Variants in CPS1 observed in about 807,000 individuals in gnomAD.
CPS1 encodes carbamoyl-phosphate synthase 1, also known as carbamoyl-phosphate synthase [ammonia], mitochondrial.
Under a neutral mutation model 174.6 loss-of-function variants are expected in CPS1, and 109 were observed. The ratio of observed to expected loss-of-function variants is 0.62; its 90% CI spans 0.53 to 0.73. The LOEUF (loss-of-function observed/expected upper bound fraction) is 0.73, where lower values mean the gene tolerates loss of function less well. CPS1 is among the 30% of genes least tolerant of loss of function. CPS1 has a pLI of 0.00. For synonymous variants in CPS1, 637 were observed against 632.0 expected, an observed-to-expected ratio of 1.01 and a Z score of -0.12; for missense variants, 1,689 against 1,821.9, an observed-to-expected ratio of 0.93 and a Z score of 1.33.
In CPS1 at chr2:210,678,411, A is replaced by C; in HGVS notation, c.*426A>C. The C allele has an allele frequency of 5.1e-6, 1 of 197,134 alleles. No individual in the cohort carries two copies. Among genetic ancestry groups the C allele is most frequent in the Non-Finnish European group, 1.1e-5 (1 of 95,166 alleles). The allele number at this position is 197,134 out of a possible 1,614,324, so 12.2% of individuals were successfully genotyped here. A position where few individuals can be genotyped will look rare whatever the true frequency, so the allele number is the denominator to read the frequency against. ...TTTAACAGGGCAGAATACTCTAAAA[A>C]CTTGATAAAATTAAATATAGATTTA... On this transcript the variant is annotated 3_prime_UTR_variant, in exon 38 of 38. Coordinates refer to ENST00000233072, the MANE Select transcript of CPS1 (RefSeq NM_001875.5).
chr2:210,640,180 A>G (rs1428137677), intron 24 of CPS1, 121 bp downstream of exon 24: 1 of 707,930 alleles, frequency 1.4e-6, no homozygotes, highest in South Asian at 1.9e-5. Context: ...TGTTTTGCAA[A>G]TTAGGAAGCT....
At chr2:210,534,489 A>G (rs1379209395) in intron 1 of CPS1, among the ~76,000 whole-genome samples, 2 of 152,198 alleles carry the variant, frequency 1.3e-5, no homozygotes, top group African/African-American at 2.4e-5. Flanking sequence ...CCACTGTGGC[A>G]GTTATCGGCT....
chr2:210,612,270 A>C lies in CPS1; in HGVS notation c.2545A>C (p.Thr849Pro). The C allele has an allele frequency of 6.2e-7, 1 of 1,612,074 alleles. No individual in the cohort carries two copies. The highest frequency in any genetic ancestry group is 8.5e-7 in the Non-Finnish European group (1 of 1,178,682). Reference sequence around the variant, plus strand: ...AAAAGAGTTGTCTGAACCAAGCAGCACGCGTATCTATGCCATTGCCAAGGT... The same window carrying C: ...AAAAGAGTTGTCTGAACCAAGCAGCCCGCGTATCTATGCCATTGCCAAGGT... ...LRKELSEPSSTRIYAIAKAID... is the reference protein window; with the variant it reads ...LRKELSEPSSPRIYAIAKAID... The change falls in exon 20 of 38, where the codon ACG (threonine) becomes CCG (proline). Residue 849 changes from threonine to proline, a missense_variant. Thr to Pro is a conservative substitution (Grantham distance 38). Transcript: ENST00000233072.
At chr2:210,662,505 A>G (rs1700957794) in intron 32 of CPS1, among the ~76,000 whole-genome samples, 1 of 152,226 alleles carries the variant, frequency 6.6e-6, no homozygotes, top group Non-Finnish European at 1.5e-5. Flanking sequence ...ATAGCGAGAA[A>G]CAAGAACTTA....
chr2:210,519,763 C>G (rs1231713974), intron 1 of CPS1: 1 of 985,052 alleles, frequency 1.0e-6, no homozygotes, highest in Non-Finnish European at 1.2e-6. Flanking sequence ...TTTGCATTTT[C>G]CTGATGAAAA....
At chr2:210,661,720 T>C (rs1396179111) in intron 32 of CPS1, among the ~76,000 whole-genome samples, 2 of 151,996 alleles carry the variant, frequency 1.3e-5, no homozygotes, top group East Asian at 3.9e-4. Context: ...AGTAGAAAAA[T>C]AGAGAAATTT....
chr2:210,580,557 C>G (rs1697888960), intron 5 of CPS1, among the ~76,000 whole-genome samples: 1 of 151,846 alleles, frequency 6.6e-6, no homozygotes, highest in South Asian at 2.1e-4. Context: ...AGATAAATGA[C>G]ACAATTTGAA....
chr2:210,590,421 T>C (rs536756844), intron 8 of CPS1, among the ~76,000 whole-genome samples, 187 bp downstream of exon 8: 17 of 152,026 alleles, frequency 1.1e-4, no homozygotes, highest in South Asian at 6.2e-4. Flanking sequence ...TCAGAGAAAA[T>C]AGGGTTTTTC....
chr2:210,628,100 TG>T (rs1191629345), intron 21 of CPS1, among the ~76,000 whole-genome samples: 1 of 152,190 alleles, frequency 6.6e-6, no homozygotes, highest in East Asian at 1.9e-4. Context: ...ACTATAATGA[TG>T]ATAATGTAAT....
At chr2:210,607,897 A>G (rs539738375) in intron 18 of CPS1, among the ~76,000 whole-genome samples, 2 of 151,882 alleles carry the variant, frequency 1.3e-5, no homozygotes, top group Non-Finnish European at 2.9e-5. Flanking sequence ...GCAAGGACCC[A>G]AACTTGAAAT....
At chr2:210,623,971 T>C (rs182563662) in intron 21 of CPS1, among the ~76,000 whole-genome samples, 7 of 152,212 alleles carry the variant, frequency 4.6e-5, no homozygotes, top group Admixed American at 1.3e-4. Context: ...ATGTATATTT[T>C]CTGGTAGAAA....
chr2:210,658,248 T>G (rs917661947), intron 30 of CPS1: 1 of 329,610 alleles, frequency 3.0e-6, no homozygotes, highest in South Asian at 2.6e-5. Flanking sequence ...TACATTGATA[T>G]AGAGGTTGGA....
At chr2:210,521,500 C>A (rs1335668381) in intron 1 of CPS1, among the ~76,000 whole-genome samples, 2 of 151,852 alleles carry the variant, frequency 1.3e-5, no homozygotes, top group Admixed American at 1.3e-4. Context: ...CTGATTTTCA[C>A]ATAGTTTTCT....
At chr2:210,494,261 A>G (rs1032916713) in intron 1 of CPS1, among the ~76,000 whole-genome samples, 7 of 152,366 alleles carry the variant, frequency 4.6e-5, no homozygotes, top group Non-Finnish European at 7.3e-5. Flanking sequence ...TGGTTTTGAC[A>G]TCTTCAAAAA....
intron 35 of CPS1, among the ~76,000 whole-genome samples, chr2:210,675,339 A>C (rs1416122774): frequency 6.6e-6 from 1 of 152,202 alleles, no homozygotes; most frequent in Admixed American, 6.5e-5. Context: ...AGCCTGGTTG[A>C]GTAAAACAAA....
chr2:210,522,524 C>G (rs936101809), intron 1 of CPS1, among the ~76,000 whole-genome samples: 1 of 151,866 alleles, frequency 6.6e-6, no homozygotes, highest in Non-Finnish European at 1.5e-5. Flanking sequence ...GAGTGAGATA[C>G]TCTGGAATCA....
chr2:210,664,796 G>A (rs897622546), intron 33 of CPS1, among the ~76,000 whole-genome samples: 1 of 152,066 alleles, frequency 6.6e-6, no homozygotes, highest in Admixed American at 6.6e-5. Context: ...TGAAAGAGTC[G>A]TTAATTCCAA....
At chr2:210,626,131 T>C (rs1241776669) in intron 21 of CPS1, among the ~76,000 whole-genome samples, 4 of 152,136 alleles carry the variant, frequency 2.6e-5, no homozygotes. Context: ...TGTGTTAATT[T>C]GTATGAATGC....
chr2:210,495,487 T>A (rs546164452), intron 1 of CPS1, among the ~76,000 whole-genome samples: 40 of 152,262 alleles, frequency 2.6e-4, no homozygotes, highest in African/African-American at 9.4e-4. Context: ...ATGAACAAAA[T>A]ATCGGAAGTT....
Sources: gnomAD v4.1 joint callset for allele counts (sites outside exome capture counted in the v4.1 genomes callset) on GRCh38, gnomAD v4.1.1 for gene constraint, MANE v1.5 for transcripts, NCBI Gene and HGNC (gene_info 2026-07-23, HGNC 2026-07-21) for gene names.